APP: variants seen among roughly 807,000 people sequenced by gnomAD.
APP encodes the protein amyloid-beta precursor protein.
Under a neutral mutation model 101.4 loss-of-function variants are expected in APP, and 31 were observed. The ratio of observed to expected loss-of-function variants is 0.31; its 90% CI spans 0.23 to 0.41. The LOEUF is 0.41. APP is among the 10% of genes least tolerant of loss of function. The pLI, the probability that APP is intolerant of heterozygous loss-of-function variation, is 1.00. For missense variants in APP, 839 were observed against 1,003.7 expected (o/e 0.84, Z 2.22); for synonymous variants, 366 against 364.4 (o/e 1.00, Z -0.05).
chr21:26,063,666 T>C (rs2146006175), intron 3 of APP, among the ~76,000 whole-genome samples: 1 of 152,326 alleles, frequency 6.6e-6, no homozygotes, highest in East Asian at 1.9e-4. Flanking sequence ...TAAATATCCA[T>C]GAGTCTAAAT....
chr21:26,071,929 C>A lies in APP; in HGVS notation c.355+18014G>T, dbSNP rs115497951. Among the ~76,000 whole-genome samples, 1,197 of 152,344 alleles carry A rather than the reference C, an allele frequency of 7.9e-3. 9 individuals are homozygous for A. Among genetic ancestry groups the A allele is most frequent in the African/African-American group, 0.027 (1,133 of 41,574 alleles). On this transcript the variant is annotated intron_variant, in intron 3 of 17. Coordinates refer to ENST00000346798, the MANE Select transcript of APP (RefSeq NM_000484.4). ...TTCCCTCTCTTGAGGGACCCCCTCC[C>A]CACTCACGCTATTACACAGCAATTC...
rs1012096268 is a variant in APP, at chr21:26,024,490, G to C, written c.663-2448C>G. The stretch of plus-strand genomic sequence containing the variant: ...ATGTAGGAAATCAGATTCCAAACAC[G>C]TGAGACAAGCGAACACTATGATTCC... On this transcript the variant is annotated intron_variant, in intron 5 of 17. Coordinates refer to ENST00000346798, the MANE Select transcript of APP (RefSeq NM_000484.4). 2.6e-5 allele frequency among the ~76,000 whole-genome samples: 4 copies of C among 152,264 alleles called. No homozygotes were observed. The South Asian group carries it at 8.3e-4, about 32-fold the overall frequency.
intron 2 of APP, among the ~76,000 whole-genome samples, chr21:26,108,517 T>C (rs559924289): frequency 1.3e-5 from 2 of 152,246 alleles, no homozygotes; most frequent in South Asian, 2.1e-4. Flanking sequence ...CGAAGATATA[T>C]GGTAGGGGAC....
intron 1 of APP, among the ~76,000 whole-genome samples, chr21:26,130,875 TCA>T (rs1364287717): frequency 6.6e-6 from 1 of 152,162 alleles, no homozygotes; most frequent in African/African-American, 2.4e-5. Context: ...GCCAAAGAGT[TCA>T]CTACTAAGAA....
intron 6 of APP, among the ~76,000 whole-genome samples, chr21:26,016,717 G>A (rs1288903248): frequency 6.6e-6 from 1 of 152,140 alleles, no homozygotes; most frequent in East Asian, 1.9e-4. Context: ...GATTACAGGC[G>A]CATGCCACCA....
intron 9 of APP, among the ~76,000 whole-genome samples, chr21:25,979,876 C>CA (rs2042362146): frequency 0.066 from 7 of 106 alleles, no homozygotes; most frequent in Non-Finnish European, 0.1. Context: ...CTTGAGGTCT[C>CA]AAGGTTTCTA....
chr21:26,164,718 T>C lies in APP; in HGVS notation c.57+5846A>G, dbSNP rs564842098. Among the ~76,000 whole-genome samples, 59 of 152,136 alleles carry C rather than the reference T, an allele frequency of 3.9e-4. 2 individuals carry two copies. Among genetic ancestry groups the C allele is most frequent in the Admixed American group, 3.5e-3 (53 of 15,298 alleles). On this transcript the variant is annotated intron_variant, in intron 1 of 17. Transcript: ENST00000346798. ...AAAAAATACAAAAATTAGCTGGGCA[T>C]GGTGGCGAGTGCCCATAGTCCCAGC...
intron 1 of APP, among the ~76,000 whole-genome samples, chr21:26,166,869 AGT>A (rs1274594551): frequency 2.1e-5 from 2 of 93,844 alleles, no homozygotes; most frequent in African/African-American, 1.3e-4. Context: ...CTGTCACTCA[AGT>A]GAGAGAGAGA....
chr21:26,040,534 A>T (rs1237564344), intron 5 of APP, among the ~76,000 whole-genome samples: 1 of 151,702 alleles, frequency 6.6e-6, no homozygotes, highest in African/African-American at 2.4e-5. Context: ...CCTGGGAGGC[A>T]GAGGTTGCAG....
chr21:26,091,234 G>A (rs758299843), intron 2 of APP, among the ~76,000 whole-genome samples: 1 of 152,212 alleles, frequency 6.6e-6, no homozygotes, highest in African/African-American at 2.4e-5. Flanking sequence ...GTGAGAACAT[G>A]AGGGGAATTA....
intron 1 of APP, among the ~76,000 whole-genome samples, chr21:26,160,087 G>A (rs1253647774): frequency 2.2e-5 from 3 of 135,756 alleles, no homozygotes; most frequent in Non-Finnish European, 4.8e-5. Flanking sequence ...GACAGAGGTG[G>A]CTTCTACTCT....
intron 3 of APP, 153 bp from the exon 4 acceptor site, chr21:26,053,501 A>G (rs188481594): frequency 1.5e-5 from 9 of 619,506 alleles, no homozygotes. Context: ...TTAGAATGTT[A>G]CGTCTGGCCT....
Position 25,975,860 on chromosome 21 carries a change from C to G in APP, c.1299+94G>C, listed in dbSNP as rs535753281. Reference sequence around the variant, plus strand: ...GTTCATGGGACTATGAACAATCACACGTGAGGTGCTGGCAGATAAAGGTAA... The same window carrying G: ...GTTCATGGGACTATGAACAATCACAGGTGAGGTGCTGGCAGATAAAGGTAA... On this transcript the variant is annotated intron_variant, in intron 10 of 17. Coordinates refer to ENST00000346798, the MANE Select transcript of APP (RefSeq NM_000484.4). 9 of 964,398 alleles carry G rather than the reference C, an allele frequency of 9.3e-6. No homozygotes were observed. In the African/African-American group the frequency reaches 1.3e-4, roughly 14 times the overall value. 59.7% of individuals were successfully genotyped at this position (964,398 alleles called of 1,614,324 possible).
chr21:25,932,615 T>G (rs2040195977), intron 13 of APP, among the ~76,000 whole-genome samples: 1 of 152,182 alleles, frequency 6.6e-6, no homozygotes, highest in South Asian at 2.1e-4. Flanking sequence ...TGTTGAAAAT[T>G]TACACAAAAT....
At chr21:26,016,167 A>T (rs113836429) in intron 6 of APP, among the ~76,000 whole-genome samples, 4,499 of 152,084 alleles carry the variant, frequency 0.03, 203 homozygotes, top group African/African-American at 0.1. Flanking sequence ...AGTAGCTGGG[A>T]TTATGGGCAC....
chr21:25,965,710 A>T (rs2041770988), intron 11 of APP, among the ~76,000 whole-genome samples: 1 of 152,216 alleles, frequency 6.6e-6, no homozygotes, highest in Admixed American at 6.5e-5. Flanking sequence ...ACATGTTTCC[A>T]GGGTGAGGAT....
intron 6 of APP, among the ~76,000 whole-genome samples, chr21:26,000,747 C>T (rs1000061681): frequency 3.3e-5 from 5 of 152,174 alleles, no homozygotes; most frequent in African/African-American, 1.2e-4. Flanking sequence ...GACTTATACT[C>T]AATGACATTA....
intron 6 of APP, among the ~76,000 whole-genome samples, chr21:26,001,456 A>G (rs2043290515): frequency 1.3e-5 from 2 of 152,278 alleles, no homozygotes; most frequent in East Asian, 3.9e-4. Context: ...ACACCTTTCT[A>G]AAAGATGAAA....
intron 2 of APP, among the ~76,000 whole-genome samples, chr21:26,102,076 T>C (rs1384790875): frequency 6.7e-6 from 1 of 149,642 alleles, no homozygotes; most frequent in Non-Finnish European, 1.5e-5. Flanking sequence ...TAAGTAAAAC[T>C]ATGTGGTTTT....
Sources: allele counts gnomAD v4.1 joint callset (sites outside exome capture counted in the v4.1 genomes callset), GRCh38; gene constraint gnomAD v4.1.1; transcripts MANE v1.5; gene names NCBI Gene and HGNC (gene_info 2026-07-23, HGNC 2026-07-21).